TBC1D4: variants seen among roughly 807,000 people sequenced by gnomAD.
The protein encoded by TBC1D4 is TBC (Tre-2, BUB2, CDC16) domain-containing protein.
A neutral mutation model predicts 142.5 loss-of-function variants in TBC1D4; 121 were observed. That is an observed-to-expected ratio of 0.85 (90% confidence interval 0.73 to 0.99). The LOEUF is 0.99. TBC1D4 is among the 50% of genes least tolerant of loss of function. The probability of loss-of-function intolerance (pLI) is 0.00; values close to 1 mark genes in which losing one functional copy is unlikely to be tolerated. For synonymous variants in TBC1D4, 630 were observed against 628.2 expected, an observed-to-expected ratio of 1.00 and a Z score of -0.04; for missense variants, 1,475 against 1,606.6, an observed-to-expected ratio of 0.92 and a Z score of 1.40.
intron 11 of TBC1D4, among the ~76,000 whole-genome samples, chr13:75,320,281 T>C (rs1158165874): frequency 2.6e-5 from 4 of 152,170 alleles, no homozygotes; most frequent in Admixed American, 6.5e-5. Context: ...GTTTTATCAG[T>C]GAATAGAAGT....
chr13:75,337,408 A>G (rs776503610), intron 7 of TBC1D4, among the ~76,000 whole-genome samples: 6 of 152,232 alleles, frequency 3.9e-5, no homozygotes, highest in Non-Finnish European at 7.3e-5. Flanking sequence ...AATTACCAAG[A>G]AAAACACAGA....
rs146368384 is a variant in TBC1D4 at position 75,427,448 on chromosome 13, G to C, written c.498+53822C>G. The stretch of plus-strand genomic sequence containing the variant: ...CTCAGCCTGTGGGAGGTCAAAGCGG[G>C]AGGATCACTTGAGTCCAGCCTAGAC... On this transcript the variant is annotated intron_variant, in intron 1 of 20. Coordinates refer to ENST00000377636, the MANE Select transcript of TBC1D4 (RefSeq NM_014832.5). 2.8e-3 allele frequency among the ~76,000 whole-genome samples: 430 copies of C among 152,286 alleles called. 5 individuals are homozygous for C. The highest frequency in any genetic ancestry group is 1.0e-2 in the African/African-American group (414 of 41,536).
At chr13:75,311,228 A>C (rs1422412667) in intron 13 of TBC1D4, among the ~76,000 whole-genome samples, 1 of 152,170 alleles carries the variant, frequency 6.6e-6, no homozygotes, top group Non-Finnish European at 1.5e-5. Flanking sequence ...CATCATGCTG[A>C]ATTTCTCATG....
At chr13:75,422,845 A>G (rs990113534) in intron 1 of TBC1D4, among the ~76,000 whole-genome samples, 1 of 152,232 alleles carries the variant, frequency 6.6e-6, no homozygotes, top group African/African-American at 2.4e-5. Context: ...CAGAGAATTC[A>G]ATCAAGTATT....
chr13:75,460,098 G>A (rs746997523), intron 1 of TBC1D4, among the ~76,000 whole-genome samples: 4 of 152,014 alleles, frequency 2.6e-5, no homozygotes, highest in Non-Finnish European at 5.9e-5. Context: ...AGCCGAGATC[G>A]CGCCACTGCA....
chr13:75,341,116 T>A lies in TBC1D4; in HGVS notation c.1611+9A>T, dbSNP rs772139651. 6.3e-7 allele frequency: 1 copy of A among 1,575,610 alleles called. No individual in the cohort carries two copies. Among genetic ancestry groups the A allele is most frequent in the Non-Finnish European group, 8.7e-7 (1 of 1,151,676 alleles). On this transcript the variant is annotated intron_variant, in intron 7 of 20. Transcript: ENST00000377636. ...ACAAAAGTAGGTGAAGTAGGAAATA[T>A]CTTCTCACAGAAGGGCCTTCCCCGA...
intron 1 of TBC1D4, among the ~76,000 whole-genome samples, chr13:75,428,768 T>C (rs551268175): frequency 2.1e-3 from 316 of 152,344 alleles, no homozygotes; most frequent in South Asian, 8.1e-3. Flanking sequence ...GGACAGAGGC[T>C]TGCCGCAAAC....
chr13:75,480,283 C>A lies in TBC1D4; in HGVS notation c.498+987G>T, dbSNP rs1170465691. Among the ~76,000 whole-genome samples, 5 of 152,300 alleles carry A rather than the reference C, an allele frequency of 3.3e-5. No individual in the cohort carries two copies. In the East Asian group the frequency reaches 7.7e-4, roughly 23 times the overall value. ...ACCTGAGACTTTATTTATATTTAGA[C>A]AACACTATTTTTCCAAAGAACCTAA... is the stretch of plus-strand genomic sequence containing the variant. On this transcript the variant is annotated intron_variant, in intron 1 of 20. Coordinates refer to ENST00000377636, the MANE Select transcript of TBC1D4 (RefSeq NM_014832.5).
intron 1 of TBC1D4, among the ~76,000 whole-genome samples, chr13:75,446,908 A>G (rs949997257): frequency 6.6e-6 from 1 of 152,040 alleles, no homozygotes; most frequent in African/African-American, 2.4e-5. Context: ...CATCAGCAGG[A>G]ATTGTGGTGG....
At chr13:75,395,153 A>G (rs1199790229) in intron 1 of TBC1D4, among the ~76,000 whole-genome samples, 3 of 152,252 alleles carry the variant, frequency 2.0e-5, no homozygotes, top group Non-Finnish European at 2.9e-5. Flanking sequence ...TGAGACAGAC[A>G]TGGTAGGACA....
intron 14 of TBC1D4, among the ~76,000 whole-genome samples, chr13:75,309,209 CT>C (rs912174715): frequency 1.3e-5 from 2 of 152,086 alleles, no homozygotes; most frequent in African/African-American, 4.8e-5. Context: ...TTCTTAGCAT[CT>C]CCTTGTATGT....
chr13:75,374,507 T>C (rs1173050807), intron 1 of TBC1D4, among the ~76,000 whole-genome samples: 1 of 152,174 alleles, frequency 6.6e-6, no homozygotes, highest in Non-Finnish European at 1.5e-5. Context: ...TTCTTTAACA[T>C]CCAAAACACC....
At chr13:75,399,079 C>T (rs996357527) in intron 1 of TBC1D4, among the ~76,000 whole-genome samples, 11 of 152,176 alleles carry the variant, frequency 7.2e-5, no homozygotes, top group South Asian at 6.2e-4. Context: ...CGGTGGCTCA[C>T]GCCTGTAATC....
At chr13:75,432,939 CAAA>C (rs34647915) in intron 1 of TBC1D4, among the ~76,000 whole-genome samples, 2 of 99,698 alleles carry the variant, frequency 2.0e-5, no homozygotes, top group Non-Finnish European at 2.2e-5. Flanking sequence ...GAGACTGACT[CAAA>C]AAAAAAAAAA....
At chr13:75,372,279 T>TC (rs890235663) in intron 1 of TBC1D4, among the ~76,000 whole-genome samples, 37 of 151,820 alleles carry the variant, frequency 2.4e-4, no homozygotes, top group South Asian at 1.7e-3. Flanking sequence ...GCTCACTTTT[T>TC]TTTTTTTGAG....
Position 75,302,231 on chromosome 13 carries a change from T to C in TBC1D4, c.2911+12A>G, listed in dbSNP as rs1356145882. The C allele has an allele frequency of 1.9e-6, 3 of 1,613,976 alleles. No homozygotes were observed. Among genetic ancestry groups the C allele is most frequent in the South Asian group, 2.2e-5 (2 of 91,088 alleles). On this transcript the variant is annotated intron_variant, in intron 16 of 20. Coordinates refer to ENST00000377636, the MANE Select transcript of TBC1D4 (RefSeq NM_014832.5). ...TTACTTTTGTAAATTATAATCCACA[T>C]GACAAACATACCTAAATCCACGAGA...
In TBC1D4 at chr13:75,284,817, G is replaced by T. The variant is rs1874525772; in HGVS notation, c.*1975C>A. ...AAATTCATTTTCAAAAGAAAATATT[G>T]TATCCAAGTCAGCTTAATCTCTGAA... is the stretch of plus-strand genomic sequence containing the variant. On this transcript the variant is annotated 3_prime_UTR_variant, in exon 21 of 21. Transcript: ENST00000377636. 1 of 152,128 alleles carries T rather than the reference G, an allele frequency of 6.6e-6. No individual in the cohort carries two copies. Among genetic ancestry groups the T allele is most frequent in the Non-Finnish European group, 1.5e-5 (1 of 68,020 alleles). The allele number at this position is 152,128 out of a possible 1,614,324, so 9.4% of individuals were successfully genotyped here.
intron 19 of TBC1D4, among the ~76,000 whole-genome samples, chr13:75,289,955 G>A (rs940202925): frequency 3.9e-5 from 6 of 152,028 alleles, no homozygotes; most frequent in African/African-American, 7.2e-5. Flanking sequence ...TCAAACATTC[G>A]AATTTTAATA....
In TBC1D4 at chr13:75,337,001, T is replaced by G. The variant is rs1282726330; in HGVS notation, c.1651A>C (p.Ser551Arg). ...AGAATGTCAAGTTTGAACCTTCCACTGCTTGTTGCATTTTCTGGGATTGTA... is the reference window on the plus strand; with the variant it reads ...AGAATGTCAAGTTTGAACCTTCCACGGCTTGTTGCATTTTCTGGGATTGTA... ...NSTIPENATS[S>R]GRFKLDILKN... Residue 551 changes from serine (S) to arginine (R), a missense_variant, in exon 8 of 21, where the codon AGT becomes CGT. Coordinates refer to ENST00000377636, the MANE Select transcript of TBC1D4 (RefSeq NM_014832.5). The G allele has an allele frequency of 6.2e-7, 1 of 1,613,378 alleles. No homozygotes were observed. The highest frequency in any genetic ancestry group is 2.2e-5 in the East Asian group (1 of 44,752).
Sources: gnomAD v4.1 joint callset for allele counts (sites outside exome capture counted in the v4.1 genomes callset) on GRCh38, gnomAD v4.1.1 for gene constraint, MANE v1.5 for transcripts, NCBI Gene and HGNC (gene_info 2026-07-23, HGNC 2026-07-21) for gene names.